Variants in LRRC14 observed in about 807,000 individuals in gnomAD.
The protein encoded by LRRC14 is leucine-rich repeat-containing protein 14.
A neutral mutation model predicts 25.3 loss-of-function variants in LRRC14; 16 were observed. The observed-to-expected ratio is 0.63, with a 90% CI of 0.43 to 0.96. LRRC14 has a LOEUF of 0.96. Among genes scored for constraint, LRRC14 ranks in the 40% least tolerant of loss-of-function variants. The probability of loss-of-function intolerance (pLI) is 0.00; values close to 1 mark genes in which losing one functional copy is unlikely to be tolerated. For missense variants in LRRC14, 594 were observed against 660.5 expected, an observed-to-expected ratio of 0.90 and a Z score of 1.10; for synonymous variants, 359 against 295.1, an observed-to-expected ratio of 1.22 and a Z score of -2.22.
chr8:144,521,545 G>C lies in LRRC14; in HGVS notation c.*67G>C. 6.8e-7 allele frequency: 1 copy of C among 1,467,732 alleles called. No homozygotes were observed. The highest frequency in any genetic ancestry group is 9.1e-7 in the Non-Finnish European group (1 of 1,099,044). The allele number at this position is 1,467,732 out of a possible 1,614,324, so 90.9% of individuals were successfully genotyped here. ...TTTAGGTAGGCAGGGCCTTTGCTGG[G>C]ACCCCTGGTGGAGGCCTTCACAAAA... is the stretch of plus-strand genomic sequence containing the variant. On this transcript the variant is annotated 3_prime_UTR_variant, in exon 4 of 4. Transcript: ENST00000292524.
rs1436292213 is a variant in LRRC14 at position 144,520,006 on chromosome 8, C to T, written c.281C>T (p.Ala94Val). Residue 94 changes from alanine to valine, a missense_variant, in exon 2 of 4, where the codon GCC (alanine) becomes GTC (valine). Physicochemically the swap from Ala to Val is moderately conservative, Grantham distance 64. Coordinates refer to ENST00000292524, the MANE Select transcript of LRRC14 (RefSeq NM_014665.4). ...CAGGCTGTTATCCTGGGGCTGACTGCCCGGCTCCACACCTCAGAGCCTGGG... is the reference window on the plus strand; with the variant it reads ...CAGGCTGTTATCCTGGGGCTGACTGTCCGGCTCCACACCTCAGAGCCTGGG... ...SMQAVILGLTARLHTSEPGAS... is the reference protein window; with the variant it reads ...SMQAVILGLTVRLHTSEPGAS... 1.2e-6 allele frequency: 2 copies of T among 1,611,086 alleles called. No individual in the cohort carries two copies. The highest frequency in any genetic ancestry group is 3.3e-5 in the Admixed American group (2 of 59,998).
Position 144,522,446 on chromosome 8 carries a change from GC to G in LRRC14, c.*969del. ...GCGAGGCCGCACCGGCCAATCTCCG[GC>G]GCCCACGTCATCCGCGCGCCCGCGG... On this transcript the variant is annotated 3_prime_UTR_variant, in exon 4 of 4. Transcript: ENST00000292524. The G allele has an allele frequency of 7.2e-7, 1 of 1,392,132 alleles. No homozygotes were observed. Among genetic ancestry groups the G allele is most frequent in the Non-Finnish European group, 9.2e-7 (1 of 1,081,912 alleles). 86.2% of individuals were successfully genotyped at this position (1,392,132 alleles called of 1,614,324 possible). A position where few individuals can be genotyped will look rare whatever the true frequency, so the allele number is the denominator to read the frequency against.
Position 144,524,367 on chromosome 8 carries a change from T to A in LRRC14, c.*2889T>A, listed in dbSNP as rs998298168. The A allele has an allele frequency of 5.7e-5, 91 of 1,594,150 alleles. No individual in the cohort carries two copies. Among genetic ancestry groups the A allele is most frequent in the Non-Finnish European group, 7.0e-5 (82 of 1,176,890 alleles). On this transcript the variant is annotated 3_prime_UTR_variant, in exon 4 of 4. Coordinates refer to ENST00000292524, the MANE Select transcript of LRRC14 (RefSeq NM_014665.4). ...TTACCAAGCTAGACTGGGTTGCCTT[T>A]TCTAACTATTCCAGCCCTACAGGGC...
rs1033560384 is a variant in LRRC14 at position 144,522,921 on chromosome 8, G to T, written c.*1443G>T. The stretch of plus-strand genomic sequence containing the variant: ...TGCGCGGGCTGCTGCGGCTGCTGCC[G>T]GGACGCGTTGACCAGGAGCCGGAAG... On this transcript the variant is annotated 3_prime_UTR_variant, in exon 4 of 4. Transcript: ENST00000292524. 2.1e-6 allele frequency: 3 copies of T among 1,462,044 alleles called. No individual in the cohort carries two copies. The African/African-American group carries it at 4.4e-5, about 21-fold the overall frequency. 90.6% of individuals were successfully genotyped at this position (1,462,044 alleles called of 1,614,324 possible).
rs778906431 is a variant in LRRC14, at chr8:144,523,489, A to T, written c.*2011A>T. ...TGCAGTTGGGGTTTTGCAGGCCAGG[A>T]CAGAGGCCTCTTTCCCACCTCCCAC... On this transcript the variant is annotated 3_prime_UTR_variant, in exon 4 of 4. Coordinates refer to ENST00000292524, the MANE Select transcript of LRRC14 (RefSeq NM_014665.4). 1.3e-5 allele frequency: 19 copies of T among 1,459,678 alleles called. No homozygotes were observed. Among genetic ancestry groups the T allele is most frequent in the African/African-American group, 2.9e-5 (2 of 69,034 alleles). 90.4% of individuals were successfully genotyped at this position (1,459,678 alleles called of 1,614,324 possible). A position where few individuals can be genotyped will look rare whatever the true frequency, so the allele number is the denominator to read the frequency against.
At position 144,524,844 on chromosome 8, in the gene LRRC14, A is replaced by G; in HGVS notation, c.*3366A>G. 1 of 1,483,346 alleles carries G rather than the reference A, an allele frequency of 6.7e-7. No individual in the cohort carries two copies. The allele number at this position is 1,483,346 out of a possible 1,614,324, so 91.9% of individuals were successfully genotyped here. A position where few individuals can be genotyped will look rare whatever the true frequency, so the allele number is the denominator to read the frequency against. ...CGTCCCTGGCGGGATTCCCAGCGGG[A>G]CGACGCGCAACCGCAGGGCGCCACA... On this transcript the variant is annotated 3_prime_UTR_variant, in exon 4 of 4. Transcript: ENST00000292524.
Position 144,523,073 on chromosome 8 carries a change from A to T in LRRC14, c.*1595A>T, listed in dbSNP as rs141940457. 1.7e-5 allele frequency: 28 copies of T among 1,607,644 alleles called. 1 individual carries two copies. The highest frequency in any genetic ancestry group is 1.1e-4 in the African/African-American group (8 of 74,780). On this transcript the variant is annotated 3_prime_UTR_variant, in exon 4 of 4. Transcript: ENST00000292524. ...GGATGCCGAGTGTCCGCCCAGGCCCAGCAACCCGCCTTCTAGCTGGGCCTG... is the reference window on the plus strand; with the variant it reads ...GGATGCCGAGTGTCCGCCCAGGCCCTGCAACCCGCCTTCTAGCTGGGCCTG...
At chr8:144,519,582 C>T in intron 1 of LRRC14, 33 bp from the exon 2 acceptor site, 1 of 710,160 alleles carries the variant, frequency 1.4e-6, no homozygotes, top group East Asian at 2.7e-5. Context: ...TTCTCTGTGC[C>T]ATGGCCACTG....
chr8:144,521,258 C>T lies in LRRC14; in HGVS notation c.1262C>T (p.Ala421Val). The change falls in exon 4 of 4, where the codon GCT becomes GTT. Residue 421 changes from alanine to valine, a missense_variant. By Grantham distance (64) the Ala-to-Val change is moderately conservative. Transcript: ENST00000292524. Reference sequence around the variant, plus strand: ...CTGCTGCGGGACTCAGTGGCACAGGCTGAGCTGCGTACTGTGGTGCACCCC... The same window carrying T: ...CTGCTGCGGGACTCAGTGGCACAGGTTGAGCTGCGTACTGTGGTGCACCCC... Reference protein sequence around the residue: ...KELLRDSVAQAELRTVVHPFP... With the variant: ...KELLRDSVAQVELRTVVHPFP... 2 of 1,613,220 alleles carry T rather than the reference C, an allele frequency of 1.2e-6. No individual in the cohort carries two copies. Among genetic ancestry groups the T allele is most frequent in the South Asian group, 2.2e-5 (2 of 91,084 alleles).
chr8:144,524,468 C>G lies in LRRC14; in HGVS notation c.*2990C>G. 6.3e-7 allele frequency: 1 copy of G among 1,597,854 alleles called. No homozygotes were observed. Among genetic ancestry groups the G allele is most frequent in the Non-Finnish European group, 8.5e-7 (1 of 1,179,816 alleles). On this transcript the variant is annotated 3_prime_UTR_variant, in exon 4 of 4. Transcript: ENST00000292524. ...GCAGGTGCAAGAAGGTGAAATCCAG[C>G]AGCCGCGCCAGCTGGTTGCCCGCCA...
Position 144,524,281 on chromosome 8 carries a change from G to A in LRRC14, c.*2803G>A. On this transcript the variant is annotated 3_prime_UTR_variant, in exon 4 of 4. Transcript: ENST00000292524. ...TGCAGGTGAAGCTCCTGCAGTCGCTGAAGTAAGGACAGCAGATCGTGAGGA... is the reference window on the plus strand; with the variant it reads ...TGCAGGTGAAGCTCCTGCAGTCGCTAAAGTAAGGACAGCAGATCGTGAGGA... 1 of 1,611,422 alleles carries A rather than the reference G, an allele frequency of 6.2e-7. No individual in the cohort carries two copies. Among genetic ancestry groups the A allele is most frequent in the Non-Finnish European group, 8.5e-7 (1 of 1,179,926 alleles).
At position 144,522,733 on chromosome 8, in the gene LRRC14, C is replaced by G. The variant is rs752813705; in HGVS notation, c.*1255C>G. The G allele has an allele frequency of 3.8e-5, 61 of 1,591,698 alleles. No individual in the cohort carries two copies. Among genetic ancestry groups the G allele is most frequent in the Non-Finnish European group, 5.0e-5 (58 of 1,170,740 alleles). On this transcript the variant is annotated 3_prime_UTR_variant, in exon 4 of 4. Coordinates refer to ENST00000292524, the MANE Select transcript of LRRC14 (RefSeq NM_014665.4). ...CCCGCGCCTTTTTTCGCCTGCGGCGCCGGCGACAGATCATGGCGACCAGGA... is the reference window on the plus strand; with the variant it reads ...CCCGCGCCTTTTTTCGCCTGCGGCGGCGGCGACAGATCATGGCGACCAGGA...
Position 144,522,432 on chromosome 8 carries a change from C to G in LRRC14, c.*954C>G, listed in dbSNP as rs1203949939. The G allele has an allele frequency of 1.8e-5, 25 of 1,384,674 alleles. No homozygotes were observed. The highest frequency in any genetic ancestry group is 2.3e-5 in the Non-Finnish European group (25 of 1,077,692). 85.8% of individuals were successfully genotyped at this position (1,384,674 alleles called of 1,614,324 possible). The stretch of plus-strand genomic sequence containing the variant: ...CTGACGGAGCATGCGCGAGGCCGCA[C>G]CGGCCAATCTCCGGCGCCCACGTCA... On this transcript the variant is annotated 3_prime_UTR_variant, in exon 4 of 4. Coordinates refer to ENST00000292524, the MANE Select transcript of LRRC14 (RefSeq NM_014665.4).
chr8:144,522,891 G>A lies in LRRC14; in HGVS notation c.*1413G>A, dbSNP rs776598919. On this transcript the variant is annotated 3_prime_UTR_variant, in exon 4 of 4. Coordinates refer to ENST00000292524, the MANE Select transcript of LRRC14 (RefSeq NM_014665.4). ...CCGGCGGGGCGGGCGGCCGGAGGCG[G>A]CGGTTGCGCGGGCTGCTGCGGCTGC... The A allele has an allele frequency of 7.8e-7, 1 of 1,284,410 alleles. No homozygotes were observed. The highest frequency in any genetic ancestry group is 2.8e-5 in the South Asian group (1 of 35,202). 79.6% of individuals were successfully genotyped at this position (1,284,410 alleles called of 1,614,324 possible).
chr8:144,520,068 TGGAGGGTCGTCA>T lies in LRRC14; in HGVS notation c.329+17_329+28del. ...GCCCCTCTGCAGGTATGGACTTATC[TGGAGGGTCGTCA>T]GGCCAGGGGTGTGTAAGTGGGTCCC... On this transcript the variant is annotated intron_variant, in intron 2 of 3. Transcript: ENST00000292524. The T allele has an allele frequency of 6.3e-7, 1 of 1,594,358 alleles. No individual in the cohort carries two copies. The highest frequency in any genetic ancestry group is 8.5e-7 in the Non-Finnish European group (1 of 1,172,200).
rs200123953 is a variant in LRRC14 at position 144,524,544 on chromosome 8, C to T, written c.*3066C>T. The T allele has an allele frequency of 2.7e-4, 429 of 1,582,262 alleles. No individual in the cohort carries two copies. The South Asian group carries it at 2.8e-3, about 10-fold the overall frequency. On this transcript the variant is annotated 3_prime_UTR_variant, in exon 4 of 4. Transcript: ENST00000292524. ...GCCTACGAAGGCGCCGCTGCGCAAG[C>T]CGCGCAGCCGGTTGCTAGTGAGCGC... is the stretch of plus-strand genomic sequence containing the variant.
chr8:144,522,357 G>C lies in LRRC14; in HGVS notation c.*879G>C, dbSNP rs183996024. ...AGGATTCCCGAGTGCAACGTTCCCG[G>C]CTCGCGCCCCACACACGGCTCAGCG... On this transcript the variant is annotated 3_prime_UTR_variant, in exon 4 of 4. Coordinates refer to ENST00000292524, the MANE Select transcript of LRRC14 (RefSeq NM_014665.4). 6.8e-4 allele frequency: 898 copies of C among 1,316,700 alleles called. 6 individuals carry two copies. The African/African-American group carries it at 0.013, about 19-fold the overall frequency. 81.6% of individuals were successfully genotyped at this position (1,316,700 alleles called of 1,614,324 possible). A position where few individuals can be genotyped will look rare whatever the true frequency, so the allele number is the denominator to read the frequency against.
chr8:144,520,346 A>G lies in LRRC14; in HGVS notation c.438A>G (p.Thr146=), dbSNP rs774781015. 3.7e-6 allele frequency: 6 copies of G among 1,611,960 alleles called. No individual in the cohort carries two copies. The highest frequency in any genetic ancestry group is 2.2e-5 in the East Asian group (1 of 44,814). The change falls in exon 3 of 4, where the codon ACA becomes ACG. Residue 146 remains threonine, a synonymous_variant. Coordinates refer to ENST00000292524, the MANE Select transcript of LRRC14 (RefSeq NM_014665.4). ...MWDCTAAVAR[T]CIAQQQGGAA... ...ACTGTACTGCTGCCGTAGCTCGCACATGCATTGCCCAGCAGCAGGGTGGGG... is the reference window on the plus strand; with the variant it reads ...ACTGTACTGCTGCCGTAGCTCGCACGTGCATTGCCCAGCAGCAGGGTGGGG...
In LRRC14 at chr8:144,522,288, A is replaced by G. The variant is rs1267751790; in HGVS notation, c.*810A>G. ...GTGATGTCTTTTCGGAAGAGCTTCA[A>G]GGGAGGTGTTGGGGCCTCCCCGGCC... On this transcript the variant is annotated 3_prime_UTR_variant, in exon 4 of 4. Transcript: ENST00000292524. 8 of 802,580 alleles carry G rather than the reference A, an allele frequency of 1.0e-5. No individual in the cohort carries two copies. The African/African-American group carries it at 1.3e-4, about 13-fold the overall frequency. The allele number at this position is 802,580 out of a possible 1,614,324, so 49.7% of individuals were successfully genotyped here. A position where few individuals can be genotyped will look rare whatever the true frequency, so the allele number is the denominator to read the frequency against.
Sources: allele counts gnomAD v4.1 joint callset, GRCh38; gene constraint gnomAD v4.1.1; transcripts MANE v1.5; gene names NCBI Gene and HGNC (gene_info 2026-07-23, HGNC 2026-07-21).